The following PHF3 variants were observed in gnomAD, a reference collection of about 807,000 sequenced individuals.
PHF3 encodes PHD finger protein 3.
Under a neutral mutation model 178.4 loss-of-function variants are expected in PHF3, and 41 were observed. That is an observed-to-expected ratio of 0.23 (90% CI 0.18 to 0.30). PHF3 has a LOEUF of 0.30. PHF3 is among the 10% of genes least tolerant of loss of function. The pLI is 1.00. For synonymous variants in PHF3, 842 were observed against 800.5 expected (o/e 1.05, Z -0.88); for missense variants, 2,346 against 2,398.1 (o/e 0.98, Z 0.45).
Position 63,714,599 on chromosome 6 carries a change from A to AT in PHF3, c.*898dup, listed in dbSNP as rs1768119790. The AT allele has an allele frequency of 6.6e-6, 1 of 152,458 alleles. No homozygotes were observed. Among genetic ancestry groups the AT allele is most frequent in the Non-Finnish European group, 1.5e-5 (1 of 68,002 alleles). The allele number at this position is 152,458 out of a possible 1,614,324, so 9.4% of individuals were successfully genotyped here. A position where few individuals can be genotyped will look rare whatever the true frequency, so the allele number is the denominator to read the frequency against. On this transcript the variant is annotated 3_prime_UTR_variant, in exon 16 of 16. Coordinates refer to ENST00000262043, the MANE Select transcript of PHF3 (RefSeq NM_001370348.2). ...CAGGCATTAGATGAGGGGAAAAACA[A>AT]TTTTTTTAAAATCTTAAATTGTAGG...
chr6:63,679,769 A>G (rs575021341), intron 2 of PHF3: 4 of 549,564 alleles, frequency 7.3e-6, no homozygotes, highest in Non-Finnish European at 1.4e-5. Flanking sequence ...AGAGTATAAT[A>G]TAGCTAATAC....
rs1420475624 is a variant in PHF3, at chr6:63,725,913, CTA to C, written c.*12209_*12210del. Among the ~76,000 whole-genome samples the C allele has an allele frequency of 6.6e-6, 1 of 151,988 alleles. No homozygotes were observed. Among genetic ancestry groups the C allele is most frequent in the Non-Finnish European group, 1.5e-5 (1 of 67,936 alleles). ...AAAATACTTAGCAATAGAGATGTAA[CTA>C]TATGTGCAGATGTCTTTGTCAGAAT... On this transcript the variant is annotated 3_prime_UTR_variant, in exon 16 of 16. Transcript: ENST00000262043.
intron 2 of PHF3, among the ~76,000 whole-genome samples, chr6:63,663,338 C>G (rs1765547087): frequency 6.6e-6 from 1 of 152,032 alleles, no homozygotes. Flanking sequence ...CTTCACTATC[C>G]TAGAAATAGG....
At chr6:63,653,737 A>G (rs1043731036) in intron 2 of PHF3, among the ~76,000 whole-genome samples, 5 of 152,062 alleles carry the variant, frequency 3.3e-5, no homozygotes, top group African/African-American at 1.2e-4. Flanking sequence ...AAAACTTTCA[A>G]CTTTCCCCCA....
chr6:63,660,940 G>C lies in PHF3; in HGVS notation c.244+14145G>C, dbSNP rs558655041. On this transcript the variant is annotated intron_variant, in intron 2 of 15. Transcript: ENST00000262043. ...TAGGCATATCTGTGTTGTCCCTGTG[G>C]AACTTGAGGAGACAGGGTTATCTTG... Among the ~76,000 whole-genome samples, 7 of 152,272 alleles carry C rather than the reference G, an allele frequency of 4.6e-5. No individual in the cohort carries two copies. The East Asian group carries it at 7.7e-4, about 17-fold the overall frequency.
In PHF3 at chr6:63,721,312, C is replaced by G. The variant is rs1768377974; in HGVS notation, c.*7604C>G. On this transcript the variant is annotated 3_prime_UTR_variant, in exon 16 of 16. Transcript: ENST00000262043. ...GACACAGACTGGTTACATGTATTTC[C>G]AGCCCAATCTGGCAAACATCTGCAA... is the stretch of plus-strand genomic sequence containing the variant. The G allele has an allele frequency of 1.3e-6, 2 of 1,551,956 alleles. No individual in the cohort carries two copies. The highest frequency in any genetic ancestry group is 1.7e-6 in the Non-Finnish European group (2 of 1,147,002).
intron 2 of PHF3, among the ~76,000 whole-genome samples, chr6:63,658,611 T>C (rs1485539401): frequency 1.3e-5 from 2 of 152,182 alleles, no homozygotes. Flanking sequence ...TCAGATTTTT[T>C]CATCTGTTAG....
At chr6:63,655,994 A>C (rs574795507) in intron 2 of PHF3, among the ~76,000 whole-genome samples, 4 of 152,292 alleles carry the variant, frequency 2.6e-5, no homozygotes, top group African/African-American at 9.6e-5. Flanking sequence ...ATATTTTTCC[A>C]TAGTCATTGC....
intron 8 of PHF3, among the ~76,000 whole-genome samples, chr6:63,699,918 T>G (rs79085568): frequency 0.012 from 1,833 of 152,270 alleles, 38 homozygotes; most frequent in African/African-American, 0.042. Context: ...GTTTCTTTCT[T>G]GCAGGTGGTT....
chr6:63,647,810 T>C (rs1764854151), intron 2 of PHF3, among the ~76,000 whole-genome samples: 1 of 152,186 alleles, frequency 6.6e-6, no homozygotes, highest in Admixed American at 6.5e-5. Flanking sequence ...AGTAAAATTA[T>C]AGGTAAAGGT....
At position 63,685,079 on chromosome 6, in the gene PHF3, G is replaced by A; in HGVS notation, c.1357G>A (p.Ala453Thr). ...TGACCAAAATTCAAAACAGTTGAAT[G>A]CTATAGAAAGTACTAAAATAGAGTC... ...VPDQNSKQLN[A>T]IESTKIESHE... Residue 453 changes from alanine (A) to threonine (T), a missense_variant, in exon 4 of 16, where the codon GCT becomes ACT. Coordinates refer to ENST00000262043, the MANE Select transcript of PHF3 (RefSeq NM_001370348.2). 1 of 1,614,000 alleles carries A rather than the reference G, an allele frequency of 6.2e-7. No individual in the cohort carries two copies.
chr6:63,709,228 A>G lies in PHF3; in HGVS notation c.3789A>G (p.Ala1263=), dbSNP rs777836473. ...TVWDYVEKIK[A]SGTKEICVVR... ...GGGATTATGTGGAAAAAATAAAAGC[A>G]TCAGGAACCAAGGTGAGGAAAACTT... is the stretch of plus-strand genomic sequence containing the variant. Residue 1263 remains alanine (A), a synonymous_variant, in exon 14 of 16, where the codon GCA becomes GCG. Transcript: ENST00000262043. 1 of 1,610,328 alleles carries G rather than the reference A, an allele frequency of 6.2e-7. No individual in the cohort carries two copies. Among genetic ancestry groups the G allele is most frequent in the Non-Finnish European group, 8.5e-7 (1 of 1,177,212 alleles).
At chr6:63,693,682 A>T (rs944868993) in intron 5 of PHF3, among the ~76,000 whole-genome samples, 1 of 152,246 alleles carries the variant, frequency 6.6e-6, no homozygotes, top group Non-Finnish European at 1.5e-5. Context: ...TCCAGTCTGT[A>T]TCAGAAAAGA....
chr6:63,692,259 C>T (rs1223000951), intron 5 of PHF3, among the ~76,000 whole-genome samples: 1 of 152,102 alleles, frequency 6.6e-6, no homozygotes, highest in Non-Finnish European at 1.5e-5. Context: ...TTATCTCTTA[C>T]AGTCTTTTTT....
rs1768089974 is a variant in PHF3 at position 63,713,907 on chromosome 6, C to G, written c.*199C>G. The G allele has an allele frequency of 7.1e-6, 3 of 421,472 alleles. No homozygotes were observed. Among genetic ancestry groups the G allele is most frequent in the Admixed American group, 8.1e-5 (2 of 24,694 alleles). 26.1% of individuals were successfully genotyped at this position (421,472 alleles called of 1,614,324 possible). A position where few individuals can be genotyped will look rare whatever the true frequency, so the allele number is the denominator to read the frequency against. ...CATCCCTTCTTCATACCAACGGTCCCTAGTTATAGGAATTTAATATTTTTA... is the reference window on the plus strand; with the variant it reads ...CATCCCTTCTTCATACCAACGGTCCGTAGTTATAGGAATTTAATATTTTTA... On this transcript the variant is annotated 3_prime_UTR_variant, in exon 16 of 16. Coordinates refer to ENST00000262043, the MANE Select transcript of PHF3 (RefSeq NM_001370348.2).
Position 63,718,007 on chromosome 6 carries a change from T to C in PHF3, c.*4299T>C, listed in dbSNP as rs1393417523. On this transcript the variant is annotated 3_prime_UTR_variant, in exon 16 of 16. Coordinates refer to ENST00000262043, the MANE Select transcript of PHF3 (RefSeq NM_001370348.2). ...TTTTATTTCGTACTGGAAAAGCATT[T>C]CACATAGGAAATCGTCAACACCATT... Among the ~76,000 whole-genome samples the C allele has an allele frequency of 6.6e-6, 1 of 152,028 alleles. No homozygotes were observed. The highest frequency in any genetic ancestry group is 1.5e-5 in the Non-Finnish European group (1 of 67,948).
At chr6:63,682,141 A>G (rs770890346) in intron 3 of PHF3, among the ~76,000 whole-genome samples, 4 of 152,124 alleles carry the variant, frequency 2.6e-5, no homozygotes, top group Non-Finnish European at 4.4e-5. Flanking sequence ...CTATCTCCAG[A>G]GAATAAGCTA....
rs1768084352 is a variant in PHF3 at position 63,713,813 on chromosome 6, T to G, written c.*105T>G. ...TAGGATTGTGCCATCTTTAAAATTT[T>G]TACTATTGGTCATTTGCAGAACAGT... On this transcript the variant is annotated 3_prime_UTR_variant, in exon 16 of 16. Transcript: ENST00000262043. 1.1e-6 allele frequency: 1 copy of G among 935,868 alleles called. No homozygotes were observed. The highest frequency in any genetic ancestry group is 2.7e-5 in the East Asian group (1 of 37,634). The allele number at this position is 935,868 out of a possible 1,614,324, so 58.0% of individuals were successfully genotyped here.
chr6:63,685,044 G>C lies in PHF3; in HGVS notation c.1322G>C (p.Cys441Ser). ...AGTAATATCTTGGAAAATGCTATTT[G>C]TGATGTGCCTGACCAAAATTCAAAA... The part of the protein sequence containing the change: ...PESNILENAI[C>S]DVPDQNSKQL... The change falls in exon 4 of 16, where the codon TGT (cysteine) becomes TCT (serine). Residue 441 changes from cysteine (C) to serine (S), a missense_variant. Transcript: ENST00000262043. 1 of 1,614,086 alleles carries C rather than the reference G, an allele frequency of 6.2e-7. No individual in the cohort carries two copies. Among genetic ancestry groups the C allele is most frequent in the Non-Finnish European group, 8.5e-7 (1 of 1,179,988 alleles).
Sources: gnomAD v4.1 joint callset for allele counts (sites outside exome capture counted in the v4.1 genomes callset) on GRCh38, gnomAD v4.1.1 for gene constraint, MANE v1.5 for transcripts, NCBI Gene and HGNC (gene_info 2026-07-23, HGNC 2026-07-21) for gene names.